SEMA5A: variants seen among roughly 807,000 people sequenced by gnomAD.
SEMA5A encodes semaphorin 5A.
Under a neutral mutation model 135.5 loss-of-function variants are expected in SEMA5A, and 55 were observed. The ratio of observed to expected loss-of-function variants is 0.41; its 90% confidence interval spans 0.33 to 0.51. The LOEUF is 0.51. SEMA5A is among the 20% of genes least tolerant of loss of function. SEMA5A has a pLI of 0.37. For synonymous variants in SEMA5A, 580 were observed against 546.5 expected, an observed-to-expected ratio of 1.06 and a Z score of -0.85; for missense variants, 1,290 against 1,419.9, an observed-to-expected ratio of 0.91 and a Z score of 1.47.
chr5:9,511,856 T>C (rs888912109), intron 1 of SEMA5A: 2 of 152,112 alleles, frequency 1.3e-5, no homozygotes, highest in African/African-American at 4.8e-5. Flanking sequence ...ATAATGAAGA[T>C]GAATTCCTGT....
chr5:9,197,766 G>GTTTTAACCCAGATATTTGTTTTA (rs1745489491), intron 9 of SEMA5A, among the ~76,000 whole-genome samples: 1 of 143,246 alleles, frequency 7.0e-6, no homozygotes, highest in Non-Finnish European at 1.5e-5. Context: ...GTGTGTGTGT[G>GTTTTAACCCAGATATTTGTTTTA]TGTGTGTGTG....
At chr5:9,343,986 A>T (rs1753757214) in intron 3 of SEMA5A, among the ~76,000 whole-genome samples, 1 of 152,174 alleles carries the variant, frequency 6.6e-6, no homozygotes, top group African/African-American at 2.4e-5. Context: ...AGCTTCACAC[A>T]CTTGTCTGGT....
intron 11 of SEMA5A, among the ~76,000 whole-genome samples, chr5:9,166,267 T>C (rs1743602846): frequency 1.3e-5 from 2 of 152,048 alleles, no homozygotes; most frequent in Admixed American, 1.3e-4. Context: ...ACATAGTAGG[T>C]GCTCAAGCAG....
intron 2 of SEMA5A, among the ~76,000 whole-genome samples, chr5:9,387,882 A>T (rs1755966468): frequency 6.6e-6 from 1 of 152,182 alleles, no homozygotes; most frequent in African/African-American, 2.4e-5. Context: ...CAAATATATC[A>T]CATCTCTTCA....
intron 8 of SEMA5A, among the ~76,000 whole-genome samples, chr5:9,203,007 T>G (rs980044158): frequency 5.3e-5 from 8 of 152,242 alleles, no homozygotes; most frequent in African/African-American, 1.7e-4. Context: ...GGCAAAGCCT[T>G]TACTTAATCA....
intron 3 of SEMA5A, among the ~76,000 whole-genome samples, chr5:9,363,778 G>A (rs1204423063): frequency 2.6e-5 from 4 of 152,270 alleles, no homozygotes; most frequent in East Asian, 1.9e-4. Context: ...TCAGTTACAC[G>A]GTTCTGTCAA....
chr5:9,379,255 AC>A (rs1755490851), intron 3 of SEMA5A, among the ~76,000 whole-genome samples: 1 of 152,094 alleles, frequency 6.6e-6, no homozygotes, highest in Non-Finnish European at 1.5e-5. Flanking sequence ...TTTCTTTTCC[AC>A]TCTGAATGCT....
intron 8 of SEMA5A, among the ~76,000 whole-genome samples, chr5:9,209,945 C>T (rs1746253004): frequency 6.6e-6 from 1 of 152,166 alleles, no homozygotes; most frequent in Non-Finnish European, 1.5e-5. Context: ...AAGAGGGATT[C>T]AAGACTGTCA....
intron 11 of SEMA5A, among the ~76,000 whole-genome samples, chr5:9,178,331 C>CTTTTTTTTTT (rs5865809): frequency 7.3e-5 from 9 of 123,602 alleles, no homozygotes; most frequent in Non-Finnish European, 8.4e-5. Flanking sequence ...TTTTTCTCTC[C>CTTTTTTTTTT]TTTTTTTTTT....
intron 15 of SEMA5A, among the ~76,000 whole-genome samples, chr5:9,115,580 C>T (rs371645019): frequency 1.3e-4 from 20 of 152,332 alleles, no homozygotes; most frequent in African/African-American, 4.8e-4. Context: ...ATGGGAACTA[C>T]ACCCAGACAG....
chr5:9,115,854 CAG>C (rs1740482189), intron 15 of SEMA5A, among the ~76,000 whole-genome samples: 1 of 152,154 alleles, frequency 6.6e-6, no homozygotes, highest in South Asian at 2.1e-4. Flanking sequence ...TTCCAAACAA[CAG>C]AATATGGCAA....
chr5:9,282,655 G>C (rs1172430463), intron 5 of SEMA5A, among the ~76,000 whole-genome samples: 1 of 152,080 alleles, frequency 6.6e-6, no homozygotes. Context: ...GCACTTTCTG[G>C]CAGTTGTAGC....
chr5:9,055,264 T>C (rs1365026111), intron 18 of SEMA5A, among the ~76,000 whole-genome samples: 1 of 152,228 alleles, frequency 6.6e-6, no homozygotes, highest in Non-Finnish European at 1.5e-5. Context: ...ATCTTCCTTG[T>C]TATTGCTGAG....
chr5:9,046,290 CTG>C (rs1419728129), intron 21 of SEMA5A, among the ~76,000 whole-genome samples: 1 of 152,248 alleles, frequency 6.6e-6, no homozygotes, highest in Non-Finnish European at 1.5e-5. Flanking sequence ...CTGAGCATCA[CTG>C]TGATGCTGGC....
chr5:9,303,119 A>AT (rs527501004), intron 5 of SEMA5A, among the ~76,000 whole-genome samples: 20,020 of 142,808 alleles, frequency 0.14, 1,498 homozygotes, highest in South Asian at 0.19. Flanking sequence ...TATATATATA[A>AT]TTTTTTTTTT....
intron 12 of SEMA5A, among the ~76,000 whole-genome samples, chr5:9,144,481 C>A (rs1742224714): frequency 6.6e-6 from 1 of 152,180 alleles, no homozygotes; most frequent in Non-Finnish European, 1.5e-5. Flanking sequence ...CCAAGGAACC[C>A]TTCTGTGTAG....
chr5:9,181,557 G>A (rs890353604), intron 11 of SEMA5A, among the ~76,000 whole-genome samples: 1 of 151,940 alleles, frequency 6.6e-6, no homozygotes, highest in Non-Finnish European at 1.5e-5. Flanking sequence ...CCCTCTCTTG[G>A]TTCCCTTTGG....
chr5:9,445,586 G>A (rs746389408), intron 1 of SEMA5A, among the ~76,000 whole-genome samples: 21 of 151,910 alleles, frequency 1.4e-4, no homozygotes, highest in East Asian at 5.8e-4. Context: ...GGAGAATGGC[G>A]TCAACCCGGG....
intron 3 of SEMA5A, among the ~76,000 whole-genome samples, chr5:9,340,255 G>A (rs1753584204): frequency 6.6e-6 from 1 of 152,178 alleles, no homozygotes; most frequent in Non-Finnish European, 1.5e-5. Context: ...AGGCTCCAGA[G>A]TGAATATCAG....
Sources: allele counts gnomAD v4.1 joint callset (sites outside exome capture counted in the v4.1 genomes callset), GRCh38; gene constraint gnomAD v4.1.1; transcripts MANE v1.5; gene names NCBI Gene and HGNC (gene_info 2026-07-23, HGNC 2026-07-21).